The following MAP3K7CL variants were observed in gnomAD, a reference collection of about 807,000 sequenced individuals.
MAP3K7CL encodes MAP3K7 C-terminal-like protein.
A neutral mutation model predicts 18.6 loss-of-function variants in MAP3K7CL; 16 were observed. The ratio of observed to expected loss-of-function variants is 0.86; its 90% CI spans 0.58 to 1.31. MAP3K7CL has a LOEUF of 1.31. Among genes scored for constraint, MAP3K7CL ranks in the 50% most tolerant of loss-of-function variants. The probability of loss-of-function intolerance (pLI) is 0.00; values close to 1 mark genes in which losing one functional copy is unlikely to be tolerated. For synonymous variants in MAP3K7CL, 65 were observed against 66.8 expected (o/e 0.97, Z 0.13); for missense variants, 163 against 174.4 (o/e 0.93, Z 0.37).
At chr21:29,100,700 C>CTTTT (rs34749282) in intron 4 of MAP3K7CL, among the ~76,000 whole-genome samples, 1 of 68,650 alleles carries the variant, frequency 1.5e-5, no homozygotes, top group African/African-American at 6.5e-5. Context: ...AAACAGCAAA[C>CTTTT]TTTTTTTTTT....
chr21:29,101,495 C>CA (rs2086229202), intron 4 of MAP3K7CL, among the ~76,000 whole-genome samples: 1 of 152,194 alleles, frequency 6.6e-6, no homozygotes, highest in African/African-American at 2.4e-5. Flanking sequence ...CTGCAAGCTC[C>CA]ACCTCCCGGA....
chr21:29,137,531 C>T (rs1222992521), intron 2 of MAP3K7CL, among the ~76,000 whole-genome samples: 1 of 151,976 alleles, frequency 6.6e-6, no homozygotes, highest in Non-Finnish European at 1.5e-5. Context: ...TTCCTGGGTA[C>T]TAGATACAAA....
At chr21:29,173,318 G>T (rs2087887747) in intron 4 of MAP3K7CL, among the ~76,000 whole-genome samples, 1 of 152,154 alleles carries the variant, frequency 6.6e-6, no homozygotes, top group Non-Finnish European at 1.5e-5. Flanking sequence ...TCATCTTTAT[G>T]TAGATCTTCT....
At chr21:29,132,604 G>T (rs79734326) in intron 1 of MAP3K7CL, among the ~76,000 whole-genome samples, 18,015 of 151,920 alleles carry the variant, frequency 0.12, 1,416 homozygotes, top group East Asian at 0.4. Flanking sequence ...CTGCCTCCCG[G>T]GTTCAAGCGA....
At chr21:29,081,329 C>A (rs1290494280), upstream of MAP3K7CL, among the ~76,000 whole-genome samples, 9 of 152,232 alleles carry the variant, frequency 5.9e-5, no homozygotes, top group Admixed American at 5.9e-4. Flanking sequence ...GCAGGTGGAT[C>A]ACAAGGTCAG....
chr21:29,085,838 T>C, upstream of MAP3K7CL: 1 of 1,613,860 alleles, frequency 6.2e-7, no homozygotes, highest in Non-Finnish European at 8.5e-7. Context: ...AGTGGTTAAA[T>C]TACTGTCATG....
chr21:29,116,078 A>G (rs865973469), intron 4 of MAP3K7CL, among the ~76,000 whole-genome samples: 11 of 152,226 alleles, frequency 7.2e-5, no homozygotes, highest in Middle Eastern at 3.2e-3. Context: ...CTTTCATTGA[A>G]TCAGCATTTT....
Position 29,174,974 on chromosome 21 carries a change from A to G in MAP3K7CL, c.*82A>G. On this transcript the variant is annotated 3_prime_UTR_variant, in exon 5 of 5. Transcript: ENST00000399928. ...AGATTTTTATTTTAAATGAATAGTGAGTCAGATCTATTGCTTCTCTGTATT... is the reference window on the plus strand; with the variant it reads ...AGATTTTTATTTTAAATGAATAGTGGGTCAGATCTATTGCTTCTCTGTATT... The G allele has an allele frequency of 1.5e-6, 2 of 1,343,950 alleles. No individual in the cohort carries two copies. Among genetic ancestry groups the G allele is most frequent in the Non-Finnish European group, 2.0e-6 (2 of 985,604 alleles). The allele number at this position is 1,343,950 out of a possible 1,614,324, so 83.3% of individuals were successfully genotyped here.
At chr21:29,091,543 A>G in exon 2 of MAP3K7CL, 1 of 701,338 alleles carries the variant, frequency 1.4e-6, no homozygotes, top group South Asian at 1.5e-5. Flanking sequence ...TGGTGGAATC[A>G]TGGCTCACTA....
chr21:29,128,464 G>A (rs759862830), upstream of MAP3K7CL, among the ~76,000 whole-genome samples: 7 of 152,034 alleles, frequency 4.6e-5, no homozygotes, highest in African/African-American at 7.2e-5. Context: ...CACCACGCCC[G>A]GCTAATTTTT....
At chr21:29,140,540 C>T (rs549857071) in intron 2 of MAP3K7CL, among the ~76,000 whole-genome samples, 9 of 152,304 alleles carry the variant, frequency 5.9e-5, no homozygotes, top group South Asian at 2.1e-4. Context: ...GTTCAAAGCC[C>T]GGTCCTCAGG....
rs142108995 is a variant in MAP3K7CL at position 29,159,314 on chromosome 21, C to T, written c.133-627C>T. 4.9e-3 allele frequency among the ~76,000 whole-genome samples: 744 copies of T among 152,178 alleles called. 7 individuals are homozygous for T. Among genetic ancestry groups the T allele is most frequent in the African/African-American group, 0.017 (711 of 41,514 alleles). On this transcript the variant is annotated intron_variant, in intron 3 of 4. Transcript: ENST00000399928. ...GAAAGGCTTGCCACGCTGGCCTTTGCTTCTTTCATGGATGGGAGAAAAAGA... is the reference window on the plus strand; with the variant it reads ...GAAAGGCTTGCCACGCTGGCCTTTGTTTCTTTCATGGATGGGAGAAAAAGA...
chr21:29,167,605 A>T (rs1488244377), intron 4 of MAP3K7CL, among the ~76,000 whole-genome samples: 1 of 151,888 alleles, frequency 6.6e-6, no homozygotes, highest in Non-Finnish European at 1.5e-5. Flanking sequence ...AGAGGCTTTT[A>T]AACTGTGTTC....
At chr21:29,145,174 GT>G (rs1220429517) in intron 2 of MAP3K7CL, among the ~76,000 whole-genome samples, 5 of 151,418 alleles carry the variant, frequency 3.3e-5, no homozygotes, top group Non-Finnish European at 5.9e-5. Flanking sequence ...GCCAATTTGC[GT>G]AAGTCTGAGT....
At chr21:29,165,509 A>G (rs1167006278) in intron 4 of MAP3K7CL, among the ~76,000 whole-genome samples, 1 of 152,102 alleles carries the variant, frequency 6.6e-6, no homozygotes, top group Non-Finnish European at 1.5e-5. Context: ...CGAGTCCCCA[A>G]AGTCCATTGT....
In MAP3K7CL at chr21:29,089,168, C is replaced by CAAAAAAAAAA. The variant is rs748166183; in HGVS notation, c.58-2309_58-2300dup. On this transcript the variant is annotated intron_variant, in intron 1 of 6. Transcript: ENST00000286791. ...CTGGTGACAGAGCGAGACTCCGTCT[C>CAAAAAAAAAA]AAAAAAAAAAAAAAAAAAAAAAAAA... 1.0e-3 allele frequency among the ~76,000 whole-genome samples: 69 copies of CAAAAAAAAAA among 68,522 alleles called. 3 individuals are homozygous for CAAAAAAAAAA. The highest frequency in any genetic ancestry group is 2.3e-3 in the East Asian group (5 of 2,172). 45.0% of individuals were successfully genotyped at this position (68,522 alleles called of 152,430 possible).
At chr21:29,144,150 A>AT (rs759422991) in intron 2 of MAP3K7CL, among the ~76,000 whole-genome samples, 3,181 of 143,434 alleles carry the variant, frequency 0.022, 43 homozygotes, top group Non-Finnish European at 0.027. Context: ...GTTTTAGGGA[A>AT]TTTTTTTTTT....
chr21:29,164,099 A>T (rs1373998695), intron 4 of MAP3K7CL, among the ~76,000 whole-genome samples: 5 of 140,404 alleles, frequency 3.6e-5, no homozygotes, highest in Admixed American at 2.2e-4. Flanking sequence ...GACTCCATTT[A>T]AAAAAAAAAA....
In MAP3K7CL at chr21:29,130,932, A is replaced by G. The variant is rs991596656; in HGVS notation, c.-40+9A>G. 2.0e-6 allele frequency: 2 copies of G among 985,352 alleles called. No individual in the cohort carries two copies. Among genetic ancestry groups the G allele is most frequent in the East Asian group, 1.1e-4 (1 of 8,820 alleles). 61.0% of individuals were successfully genotyped at this position (985,352 alleles called of 1,614,324 possible). ...ACACTCAACTAAGTGAGGTAAGCCA[A>G]CAGGTGTGAAAACTGAACTAAATGC... is the stretch of plus-strand genomic sequence containing the variant. On this transcript the variant is annotated intron_variant, in intron 1 of 4. Coordinates refer to ENST00000399928, the MANE Select transcript of MAP3K7CL (RefSeq NM_001286620.2).
Sources: allele counts gnomAD v4.1 joint callset (sites outside exome capture counted in the v4.1 genomes callset), GRCh38; gene constraint gnomAD v4.1.1; transcripts MANE v1.5; gene names NCBI Gene and HGNC (gene_info 2026-07-23, HGNC 2026-07-21).